Variants in DOK6 observed in about 807,000 individuals in gnomAD.
DOK6 encodes the protein docking protein 6.
DOK6 carries 22 observed loss-of-function variants against 44.0 expected under a neutral mutation model. That is an observed-to-expected ratio of 0.50 (90% CI 0.36 to 0.71). The LOEUF is 0.71. Ranked by LOEUF, DOK6 falls within the 30% of genes least tolerant of loss-of-function variation. The pLI is 0.00. For synonymous variants in DOK6, 166 were observed against 145.5 expected (o/e 1.14, Z -1.01); for missense variants, 340 against 416.4 (o/e 0.82, Z 1.60).
chr18:69,698,720 T>C, intron 5 of DOK6, 127 bp downstream of exon 5: 2 of 813,960 alleles, frequency 2.5e-6, no homozygotes, highest in South Asian at 6.8e-5. Flanking sequence ...AGGGTAAAAG[T>C]TACCAAATAC....
chr18:69,500,595 G>A (rs1981020870), intron 1 of DOK6, among the ~76,000 whole-genome samples: 1 of 152,218 alleles, frequency 6.6e-6, no homozygotes, highest in South Asian at 2.1e-4. Context: ...TACAGAGAAG[G>A]CAATTAGTAA....
chr18:69,719,489 A>G (rs1158960487), intron 5 of DOK6, among the ~76,000 whole-genome samples: 1 of 152,238 alleles, frequency 6.6e-6, no homozygotes, highest in South Asian at 2.1e-4. Context: ...CTTTGGCTAC[A>G]TGACTCCTGA....
At chr18:69,839,688 A>C (rs1982157804) in intron 7 of DOK6, among the ~76,000 whole-genome samples, 1 of 152,222 alleles carries the variant, frequency 6.6e-6, no homozygotes. Flanking sequence ...CCTGCGGGCC[A>C]GGCGAGGAGG....
At chr18:69,779,981 A>C (rs1314537825) in intron 7 of DOK6, among the ~76,000 whole-genome samples, 1 of 152,156 alleles carries the variant, frequency 6.6e-6, no homozygotes, top group Non-Finnish European at 1.5e-5. Flanking sequence ...TACTGGAAAA[A>C]GAAAATATTT....
intron 7 of DOK6, among the ~76,000 whole-genome samples, chr18:69,767,891 T>C (rs1979767346): frequency 6.6e-6 from 1 of 152,200 alleles, no homozygotes; most frequent in Non-Finnish European, 1.5e-5. Context: ...TTACCAGATA[T>C]GTACAAGTAA....
intron 2 of DOK6, among the ~76,000 whole-genome samples, chr18:69,598,528 A>G (rs940331107): frequency 2.0e-5 from 3 of 152,244 alleles, no homozygotes; most frequent in South Asian, 2.1e-4. Flanking sequence ...TGTTAACAGT[A>G]TGGATCTAGA....
chr18:69,737,781 A>G (rs1978663280), intron 5 of DOK6, among the ~76,000 whole-genome samples: 1 of 152,204 alleles, frequency 6.6e-6, no homozygotes. Flanking sequence ...GAAGTGGACA[A>G]GCACTCGACC....
chr18:69,498,895 T>C (rs555102815), intron 1 of DOK6, among the ~76,000 whole-genome samples: 1 of 152,280 alleles, frequency 6.6e-6, no homozygotes, highest in Non-Finnish European at 1.5e-5. Flanking sequence ...GGTGAGTTGT[T>C]ACATTGATTT....
chr18:69,434,992 G>GAAGGAAGGAAAGAAGGA (rs1978921198), intron 1 of DOK6, among the ~76,000 whole-genome samples: 1 of 132,912 alleles, frequency 7.5e-6, no homozygotes, highest in Non-Finnish European at 1.6e-5. Context: ...AAGAAGGAAG[G>GAAGGAAGGAAAGAAGGA]AAGGAAGGAA....
chr18:69,421,574 A>T (rs1344983041), intron 1 of DOK6, among the ~76,000 whole-genome samples: 1 of 152,192 alleles, frequency 6.6e-6, no homozygotes, highest in Non-Finnish European at 1.5e-5. Context: ...TGATATTGGT[A>T]TTTCTAAACA....
intron 1 of DOK6, among the ~76,000 whole-genome samples, chr18:69,557,376 C>G (rs777217302): frequency 6.6e-6 from 1 of 152,102 alleles, no homozygotes. Context: ...AGCTAAATAA[C>G]GTAATTACGG....
At chr18:69,487,611 C>T (rs948359662) in intron 1 of DOK6, among the ~76,000 whole-genome samples, 8 of 152,028 alleles carry the variant, frequency 5.3e-5, no homozygotes, top group Admixed American at 5.2e-4. Context: ...AGGAATGTTC[C>T]ATCGATGTTT....
chr18:69,488,484 A>G (rs1216671948), intron 1 of DOK6, among the ~76,000 whole-genome samples: 3 of 152,126 alleles, frequency 2.0e-5, no homozygotes, highest in Non-Finnish European at 4.4e-5. Flanking sequence ...CCGTTTTAGT[A>G]CTGCTATGAA....
chr18:69,564,183 TTGTC>T (rs1472934275), intron 1 of DOK6, among the ~76,000 whole-genome samples: 3 of 152,160 alleles, frequency 2.0e-5, no homozygotes, highest in African/African-American at 7.2e-5. Flanking sequence ...AGATGGAGAA[TTGTC>T]TGTCACTAGG....
intron 3 of DOK6, among the ~76,000 whole-genome samples, chr18:69,630,829 T>C (rs370894599): frequency 5.9e-4 from 90 of 152,336 alleles, no homozygotes; most frequent in South Asian, 5.2e-3. Flanking sequence ...ACTTCTGGTA[T>C]TGCTGAACAT....
chr18:69,579,845 T>C (rs1446549895), intron 2 of DOK6, among the ~76,000 whole-genome samples: 1 of 152,070 alleles, frequency 6.6e-6, no homozygotes, highest in Non-Finnish European at 1.5e-5. Flanking sequence ...CGAGGAGAGA[T>C]CCTCGTGGAG....
intron 7 of DOK6, among the ~76,000 whole-genome samples, chr18:69,794,064 T>G (rs1466975422): frequency 6.6e-6 from 1 of 152,168 alleles, no homozygotes; most frequent in Non-Finnish European, 1.5e-5. Flanking sequence ...AACGACAGAC[T>G]GCTCTCCCAA....
chr18:69,720,022 C>G (rs930948643), intron 5 of DOK6, among the ~76,000 whole-genome samples: 9 of 152,118 alleles, frequency 5.9e-5, no homozygotes, highest in African/African-American at 2.2e-4. Context: ...AAACCCATCT[C>G]TACTAAAAAT....
At chr18:69,561,459 A>G (rs1388830258) in intron 1 of DOK6, among the ~76,000 whole-genome samples, 1 of 152,190 alleles carries the variant, frequency 6.6e-6, no homozygotes, top group Non-Finnish European at 1.5e-5. Context: ...TATGCTGATC[A>G]TATTCTAATC....
Sources: gnomAD v4.1 joint callset for allele counts (sites outside exome capture counted in the v4.1 genomes callset) on GRCh38, gnomAD v4.1.1 for gene constraint, MANE v1.5 for transcripts, NCBI Gene and HGNC (gene_info 2026-07-23, HGNC 2026-07-21) for gene names.